Variants in TENM2 observed in about 807,000 individuals in gnomAD.
TENM2 encodes the protein teneurin transmembrane protein 2, also known as teneurin-2.
TENM2 carries 52 observed loss-of-function variants against 245.2 expected under a neutral mutation model. The ratio of observed to expected loss-of-function variants is 0.21; its 90% CI spans 0.17 to 0.27. The LOEUF is 0.27. TENM2 is among the 10% of genes least tolerant of loss of function. TENM2 has a pLI of 1.00. For missense variants in TENM2, 3,046 were observed against 3,666.8 expected, an observed-to-expected ratio of 0.83 and a Z score of 4.37; for synonymous variants, 1,363 against 1,438.9, an observed-to-expected ratio of 0.95 and a Z score of 1.19.
chr5:167,362,632 G>T (rs1759785616), intron 1 of TENM2, among the ~76,000 whole-genome samples: 1 of 152,162 alleles, frequency 6.6e-6, no homozygotes, highest in African/African-American at 2.4e-5. Flanking sequence ...AGTGTCATGT[G>T]CCTTTTGGTT....
chr5:167,684,201 C>A (rs1016638867), intron 2 of TENM2, among the ~76,000 whole-genome samples: 1 of 152,216 alleles, frequency 6.6e-6, no homozygotes, highest in Non-Finnish European at 1.5e-5. Context: ...TTGCATGAGA[C>A]AGATGGTCTC....
chr5:167,263,245 A>T, the TENM2 span, among the ~76,000 whole-genome samples: 1 of 151,820 alleles, frequency 6.6e-6, no homozygotes. Context: ...TTTATGTAAC[A>T]GTCACTTTTT....
chr5:167,443,871 T>C (rs1765004633), intron 2 of TENM2, among the ~76,000 whole-genome samples: 1 of 152,104 alleles, frequency 6.6e-6, no homozygotes, highest in Non-Finnish European at 1.5e-5. Flanking sequence ...TAAATTATGG[T>C]TTATGGATTT....
At chr5:167,318,031 TG>T (rs1756475475) in intron 1 of TENM2, among the ~76,000 whole-genome samples, 1 of 152,162 alleles carries the variant, frequency 6.6e-6, no homozygotes, top group African/African-American at 2.4e-5. Context: ...CTCCCTAAAG[TG>T]GAATCGGGCA....
chr5:167,964,335 A>G (rs1326922280), intron 4 of TENM2, among the ~76,000 whole-genome samples: 1 of 152,202 alleles, frequency 6.6e-6, no homozygotes, highest in East Asian at 1.9e-4. Context: ...GCAGTAGATC[A>G]CAAAAAAGAG....
At chr5:167,238,771 G>A in the TENM2 span, among the ~76,000 whole-genome samples, 23 of 150,448 alleles carry the variant, frequency 1.5e-4, no homozygotes, top group Non-Finnish European at 1.0e-4. Context: ...TATATCAGAA[G>A]CCTGTAAAGA....
intron 25 of TENM2, among the ~76,000 whole-genome samples, chr5:168,240,056 A>T (rs1264645051): frequency 6.6e-6 from 1 of 152,102 alleles, no homozygotes; most frequent in African/African-American, 2.4e-5. Flanking sequence ...CGTCTCTACT[A>T]AAAAAATGTA....
At chr5:168,146,865 A>T (rs190115112) in intron 12 of TENM2, among the ~76,000 whole-genome samples, 1 of 152,346 alleles carries the variant, frequency 6.6e-6, no homozygotes, top group East Asian at 1.9e-4. Context: ...CTTTGCCCCC[A>T]GGTAGTTGCA....
rs146581181 is a variant in TENM2 at position 167,597,663 on chromosome 5, A to C, written c.502+222190A>C. On this transcript the variant is annotated intron_variant, in intron 2 of 28. Coordinates refer to ENST00000518659, the Ensembl canonical transcript of TENM2. The stretch of plus-strand genomic sequence containing the variant: ...GATAATTCCAGTGCTACTAATATAT[A>C]TGTGTAATTTTATGTTATTACATTA... Among the ~76,000 whole-genome samples the C allele has an allele frequency of 1.2e-3, 190 of 152,304 alleles. 2 individuals are homozygous for C. The highest frequency in any genetic ancestry group is 4.5e-3 in the African/African-American group (187 of 41,564).
chr5:167,179,404 T>C, the TENM2 span, among the ~76,000 whole-genome samples: 2 of 152,230 alleles, frequency 1.3e-5, no homozygotes, highest in African/African-American at 2.4e-5. Flanking sequence ...TATTGTATTG[T>C]GGTTACTGCT....
intron 2 of TENM2, among the ~76,000 whole-genome samples, chr5:167,804,624 G>A (rs1256415517): frequency 1.3e-5 from 2 of 152,038 alleles, no homozygotes; most frequent in East Asian, 1.9e-4. Flanking sequence ...CAGATAGATC[G>A]AATAAAGTTT....
At chr5:167,682,996 T>C (rs1272499995) in intron 2 of TENM2, among the ~76,000 whole-genome samples, 3 of 152,134 alleles carry the variant, frequency 2.0e-5, no homozygotes, top group Non-Finnish European at 4.4e-5. Flanking sequence ...GGAAAAACTT[T>C]CAAATTACCT....
At chr5:167,463,799 G>A (rs1766477682) in intron 2 of TENM2, among the ~76,000 whole-genome samples, 1 of 152,204 alleles carries the variant, frequency 6.6e-6, no homozygotes. Context: ...CCCAGCCGAA[G>A]ATATTTAATG....
At chr5:167,774,038 A>G (rs1763575120) in intron 2 of TENM2, among the ~76,000 whole-genome samples, 1 of 151,952 alleles carries the variant, frequency 6.6e-6, no homozygotes, top group Non-Finnish European at 1.5e-5. Flanking sequence ...TGCCTAGAAG[A>G]TGCAGGTGAC....
intron 5 of TENM2, among the ~76,000 whole-genome samples, chr5:167,999,455 T>A (rs1032369143): frequency 6.6e-6 from 1 of 152,148 alleles, no homozygotes; most frequent in Non-Finnish European, 1.5e-5. Flanking sequence ...CACTGGTGAG[T>A]CTTTGGCAGG....
intron 3 of TENM2, 95 bp downstream of exon 5, chr5:167,876,290 G>A: frequency 1.8e-6 from 2 of 1,097,616 alleles, no homozygotes; most frequent in Non-Finnish European, 2.7e-6. Context: ...AGGGCTGGGG[G>A]AAGGTGGTGT....
At chr5:168,229,185 G>A (rs1024211596) in intron 25 of TENM2, among the ~76,000 whole-genome samples, 8 of 105,162 alleles carry the variant, frequency 7.6e-5, no homozygotes, top group African/African-American at 3.8e-4. Context: ...TTTTTCAGAT[G>A]AGAAAACAGA....
the TENM2 span, among the ~76,000 whole-genome samples, chr5:167,141,152 G>T: frequency 6.6e-6 from 1 of 152,262 alleles, no homozygotes; most frequent in South Asian, 2.1e-4. Flanking sequence ...GGAGGGAAGG[G>T]GGACCACACA....
At chr5:167,434,209 C>T (rs1293654891) in intron 2 of TENM2, among the ~76,000 whole-genome samples, 1 of 151,810 alleles carries the variant, frequency 6.6e-6, no homozygotes, top group Non-Finnish European at 1.5e-5. Flanking sequence ...ATCATGAGGT[C>T]AGGAGTTCGA....
Sources: gnomAD v4.1 joint callset for allele counts (sites outside exome capture counted in the v4.1 genomes callset) on GRCh38, gnomAD v4.1.1 for gene constraint, MANE v1.5 for transcripts, NCBI Gene and HGNC (gene_info 2026-07-23, HGNC 2026-07-21) for gene names.